The following MED22 variants were observed in gnomAD, a reference collection of about 807,000 sequenced individuals.
MED22 encodes the protein mediator of RNA polymerase II transcription subunit 22.
A neutral mutation model predicts 22.7 loss-of-function variants in MED22; 22 were observed. The observed-to-expected ratio is 0.97, with a 90% CI of 0.69 to 1.38. The LOEUF is 1.38. Among genes scored for constraint, MED22 ranks in the 40% most tolerant of loss-of-function variants. The pLI is 0.00. For missense variants in MED22, 247 were observed against 263.0 expected (o/e 0.94, Z 0.42); for synonymous variants, 134 against 119.4 (o/e 1.12, Z -0.80).
intron 4 of MED22, chr9:133,342,603 G>A (rs1321031440): frequency 2.0e-6 from 2 of 986,394 alleles, no homozygotes; most frequent in Non-Finnish European, 2.4e-6. Flanking sequence ...CAGCAAGAAG[G>A]GGCAGAGGAA....
At position 133,344,302 on chromosome 9, in the gene MED22, AC is replaced by A; in HGVS notation, c.235del (p.Val79CysfsTer8). On this transcript the variant is annotated frameshift_variant, in exon 4 of 5. Transcript: ENST00000343730. LOFTEE classifies it high-confidence loss of function. The part of the protein sequence containing the change: ...VRAGESLMKL[V>X]SDLKQFLILN... ...GATCAGGAACTGCTTGAGGTCGGAC[AC>A]CAGCTTCATCAGGGACTCGCCGGCT... The A allele has an allele frequency of 6.2e-7, 1 of 1,614,140 alleles. No individual in the cohort carries two copies.
At chr9:133,345,717 G>T (rs1262991013) in intron 2 of MED22, among the ~76,000 whole-genome samples, 1 of 152,108 alleles carries the variant, frequency 6.6e-6, no homozygotes. Context: ...ATTAACCCAT[G>T]CCAGTTTCAC....
In MED22 at chr9:133,341,469, G is replaced by T; in HGVS notation, c.*36C>A. 6.8e-7 allele frequency: 1 copy of T among 1,461,270 alleles called. No homozygotes were observed. Among genetic ancestry groups the T allele is most frequent in the Non-Finnish European group, 9.0e-7 (1 of 1,113,840 alleles). The allele number at this position is 1,461,270 out of a possible 1,614,324, so 90.5% of individuals were successfully genotyped here. A position where few individuals can be genotyped will look rare whatever the true frequency, so the allele number is the denominator to read the frequency against. ...GAGGGCATCCAAAGGGCTGCCTCAG[G>T]TTTTGTTCCTGAGAACGAAGCGTGG... is the stretch of plus-strand genomic sequence containing the variant. On this transcript the variant is annotated 3_prime_UTR_variant, in exon 5 of 5. Coordinates refer to ENST00000343730, the MANE Select transcript of MED22 (RefSeq NM_133640.5).
In MED22 at chr9:133,341,207, T is replaced by G; in HGVS notation, c.*298A>C. On this transcript the variant is annotated 3_prime_UTR_variant, in exon 5 of 5. Coordinates refer to ENST00000343730, the MANE Select transcript of MED22 (RefSeq NM_133640.5). The stretch of plus-strand genomic sequence containing the variant: ...GCACCCTCCTGCCCCACTGCTGAGA[T>G]CCCCAACGGGCCAGACCTAGCTTGG... The G allele has an allele frequency of 3.4e-6, 1 of 298,080 alleles. No homozygotes were observed. Among genetic ancestry groups the G allele is most frequent in the Non-Finnish European group, 6.2e-6 (1 of 162,074 alleles). 18.5% of individuals were successfully genotyped at this position (298,080 alleles called of 1,614,324 possible).
At chr9:133,342,719 G>C (rs1836046207) in intron 4 of MED22, 1 of 985,974 alleles carries the variant, frequency 1.0e-6, no homozygotes, top group African/African-American at 1.7e-5. Flanking sequence ...GTGGACAGGA[G>C]GCCTGCGGGA....
Position 133,341,446 on chromosome 9 carries a change from G to C in MED22, c.*59C>G, listed in dbSNP as rs2129948245. 8.4e-5 allele frequency: 120 copies of C among 1,426,522 alleles called. 2 individuals carry two copies. In the South Asian group the frequency reaches 1.9e-3, roughly 22 times the overall value. 88.4% of individuals were successfully genotyped at this position (1,426,522 alleles called of 1,614,324 possible). On this transcript the variant is annotated 3_prime_UTR_variant, in exon 5 of 5. Transcript: ENST00000343730. The stretch of plus-strand genomic sequence containing the variant: ...TAGGCTGAGAGAAGCAAGGCTGTGA[G>C]GGCATCCAAAGGGCTGCCTCAGGTT...
rs1446397993 is a variant in MED22 at position 133,342,649 on chromosome 9, C to T, written c.414-955G>A. On this transcript the variant is annotated intron_variant, in intron 4 of 4. Transcript: ENST00000343730. ...GACCTGGTCGCTTAAAGGCAATGTACAGAGGAGGGCAACTGCTTCTGCCAC... is the reference window on the plus strand; with the variant it reads ...GACCTGGTCGCTTAAAGGCAATGTATAGAGGAGGGCAACTGCTTCTGCCAC... 4.1e-6 allele frequency: 4 copies of T among 985,734 alleles called. No homozygotes were observed. The East Asian group carries it at 4.5e-4, about 112-fold the overall frequency. The allele number at this position is 985,734 out of a possible 1,614,324, so 61.1% of individuals were successfully genotyped here. A position where few individuals can be genotyped will look rare whatever the true frequency, so the allele number is the denominator to read the frequency against.
At chr9:133,346,294 T>C in intron 2 of MED22, 1 of 510,914 alleles carries the variant, frequency 2.0e-6, no homozygotes, top group Non-Finnish European at 3.5e-6. Flanking sequence ...AACTCACCAG[T>C]CATCACAAGG....
rs1232541599 is a variant in MED22, at chr9:133,338,812, C to A, written c.*2693G>T. 17 of 380,894 alleles carry A rather than the reference C, an allele frequency of 4.5e-5. No individual in the cohort carries two copies. The highest frequency in any genetic ancestry group is 6.1e-5 in the Non-Finnish European group (12 of 196,996). 23.6% of individuals were successfully genotyped at this position (380,894 alleles called of 1,614,324 possible). A position where few individuals can be genotyped will look rare whatever the true frequency, so the allele number is the denominator to read the frequency against. On this transcript the variant is annotated 3_prime_UTR_variant, in exon 5 of 5. Transcript: ENST00000343730. The stretch of plus-strand genomic sequence containing the variant: ...AGGCTGGTCTCAAAACTTCTGACCA[C>A]AAGTGATCCACCCGCTTTGGCTTCT...
chr9:133,343,692 C>T, intron 4 of MED22: 1 of 1,264,828 alleles, frequency 7.9e-7, no homozygotes, highest in East Asian at 2.9e-5. Context: ...CCCTGGTGCC[C>T]TGGACATAGG....
chr9:133,343,812 G>A, intron 4 of MED22: 1 of 1,400,766 alleles, frequency 7.1e-7, no homozygotes, highest in Non-Finnish European at 9.3e-7. Context: ...TGCCCGAGGA[G>A]GAAGGCTCTC....
In MED22 at chr9:133,339,497, T is replaced by C; in HGVS notation, c.*2008A>G. ...TTAAAAAAATAAAAGACCTCTGGAC[T>C]AGAAAGAAAAAAAATAGGCATTAAA... On this transcript the variant is annotated 3_prime_UTR_variant, in exon 5 of 5. Coordinates refer to ENST00000343730, the MANE Select transcript of MED22 (RefSeq NM_133640.5). The C allele has an allele frequency of 1.6e-6, 1 of 641,814 alleles. No individual in the cohort carries two copies. The highest frequency in any genetic ancestry group is 1.6e-5 in the South Asian group (1 of 63,318). 39.8% of individuals were successfully genotyped at this position (641,814 alleles called of 1,614,324 possible).
At chr9:133,342,920 A>C in intron 4 of MED22, 1 of 985,702 alleles carries the variant, frequency 1.0e-6, no homozygotes, top group South Asian at 4.7e-5. Flanking sequence ...TGCTCTGTGC[A>C]GGGGCCCTCA....
At chr9:133,342,655 A>C in intron 4 of MED22, 3 of 985,758 alleles carry the variant, frequency 3.0e-6, no homozygotes, top group Non-Finnish European at 3.6e-6. Flanking sequence ...TGTACAGAGG[A>C]GGGCAACTGC....
rs2129968793 is a variant in MED22 at position 133,346,570 on chromosome 9, G to A, written c.93C>T (p.Asp31=). 540 of 1,612,474 alleles carry A rather than the reference G, an allele frequency of 3.3e-4. 6 individuals are homozygous for A. The South Asian group carries it at 5.7e-3, about 17-fold the overall frequency. Residue 31 remains aspartate (D), a synonymous_variant, in exon 2 of 5, where the codon GAC becomes GAT. Coordinates refer to ENST00000343730, the MANE Select transcript of MED22 (RefSeq NM_133640.5). The part of the protein sequence containing the change: ...RLKDDIKSIM[D]NFTEIIKTAK... ...CGGTCTTGATGATCTCGGTGAAGTT[G>A]TCCATGATGGACTTAATGTCGTCCT...
chr9:133,338,330 A>G lies in MED22; in HGVS notation c.*3175T>C. 1 of 148,322 alleles carries G rather than the reference A, an allele frequency of 6.7e-6. No homozygotes were observed. Among genetic ancestry groups the G allele is most frequent in the Non-Finnish European group, 1.5e-5 (1 of 67,646 alleles). The allele number at this position is 148,322 out of a possible 1,614,324, so 9.2% of individuals were successfully genotyped here. ...TTTTTTCTTTTTTTTTTTGAGGTGG[A>G]GTTTCGCTCTTGTTGCCCAAGCTGG... On this transcript the variant is annotated 3_prime_UTR_variant, in exon 5 of 5. Transcript: ENST00000343730.
intron 2 of MED22, among the ~76,000 whole-genome samples, chr9:133,345,587 T>C (rs2129965771): frequency 6.6e-6 from 1 of 152,354 alleles, no homozygotes; most frequent in South Asian, 2.1e-4. Flanking sequence ...GTAGGAACCG[T>C]TGTCACTTGC....
intron 4 of MED22, chr9:133,342,218 G>A (rs1836025817): frequency 5.1e-6 from 5 of 986,620 alleles, no homozygotes; most frequent in Non-Finnish European, 4.8e-6. Context: ...CCCTACATCA[G>A]CCAGGCGGCC....
chr9:133,347,421 C>G (rs28658542), intron 1 of MED22: 2 of 152,284 alleles, frequency 1.3e-5, no homozygotes, highest in Non-Finnish European at 2.9e-5. Flanking sequence ...GAGGCTGAGG[C>G]AGGAGAATCG....
Sources: allele counts gnomAD v4.1 joint callset (sites outside exome capture counted in the v4.1 genomes callset), GRCh38; gene constraint gnomAD v4.1.1; transcripts MANE v1.5; gene names NCBI Gene and HGNC (gene_info 2026-07-23, HGNC 2026-07-21).